The following KCNH5 variants were observed in gnomAD, a reference collection of about 807,000 sequenced individuals.
The protein encoded by KCNH5 is potassium voltage-gated channel subfamily H member 5.
In KCNH5, 46 loss-of-function variants were observed where a neutral mutation model predicts 96.1. The observed-to-expected ratio is 0.48, with a 90% CI of 0.38 to 0.61. The LOEUF (loss-of-function observed/expected upper bound fraction) is 0.61. Among genes scored for constraint, KCNH5 ranks in the 20% least tolerant of loss-of-function variants. KCNH5 has a pLI of 0.00. For synonymous variants in KCNH5, 439 were observed against 449.8 expected, an observed-to-expected ratio of 0.98 and a Z score of 0.30; for missense variants, 907 against 1,225.8, an observed-to-expected ratio of 0.74 and a Z score of 3.88.
intron 7 of KCNH5, among the ~76,000 whole-genome samples, chr14:62,919,495 A>G (rs1369571497): frequency 6.6e-6 from 1 of 152,146 alleles, no homozygotes; most frequent in Admixed American, 6.6e-5. Context: ...CCAAACTTGA[A>G]AAAGGCTGCC....
intron 7 of KCNH5, among the ~76,000 whole-genome samples, chr14:62,906,420 CAT>C (rs1048708518): frequency 6.6e-6 from 1 of 152,096 alleles, no homozygotes; most frequent in Non-Finnish European, 1.5e-5. Flanking sequence ...GTAAAGGAAA[CAT>C]AGAAGCTCAT....
intron 7 of KCNH5, among the ~76,000 whole-genome samples, chr14:62,941,772 C>T (rs944662044): frequency 2.0e-5 from 3 of 152,054 alleles, no homozygotes; most frequent in Non-Finnish European, 2.9e-5. Flanking sequence ...TACCTGAAGT[C>T]GCATATTAAG....
intron 7 of KCNH5, among the ~76,000 whole-genome samples, chr14:62,864,752 T>C (rs530160979): frequency 1.3e-5 from 2 of 152,358 alleles, no homozygotes; most frequent in East Asian, 1.9e-4. Context: ...CATATTAGCA[T>C]ATCAAAAGCT....
intron 7 of KCNH5, among the ~76,000 whole-genome samples, chr14:62,896,673 C>T (rs1888819973): frequency 6.6e-6 from 1 of 151,826 alleles, no homozygotes; most frequent in Admixed American, 6.6e-5. Flanking sequence ...GCTTTTTTTT[C>T]TTTATAGGTA....
At chr14:62,960,896 T>C (rs1049673540) in intron 6 of KCNH5, among the ~76,000 whole-genome samples, 9 of 152,160 alleles carry the variant, frequency 5.9e-5, no homozygotes, top group African/African-American at 1.4e-4. Flanking sequence ...CATATTCTAA[T>C]TGAAACACAG....
chr14:62,825,042 A>G (rs1887193975), intron 8 of KCNH5, among the ~76,000 whole-genome samples: 1 of 152,018 alleles, frequency 6.6e-6, no homozygotes, highest in Non-Finnish European at 1.5e-5. Context: ...TGTCTTTGCT[A>G]TTGTGAACAG....
intron 10 of KCNH5, among the ~76,000 whole-genome samples, chr14:62,732,338 C>A (rs1446287475): frequency 6.6e-6 from 1 of 152,170 alleles, no homozygotes; most frequent in Non-Finnish European, 1.5e-5. Context: ...TAAAGCCAAT[C>A]ATTTTACTGT....
chr14:62,835,425 T>A (rs1887445061), intron 8 of KCNH5, among the ~76,000 whole-genome samples: 2 of 152,012 alleles, frequency 1.3e-5, no homozygotes, highest in African/African-American at 2.4e-5. Flanking sequence ...GGATAAAAAA[T>A]TATGAGATTA....
intron 1 of KCNH5, among the ~76,000 whole-genome samples, chr14:63,030,027 G>C (rs1891597237): frequency 6.6e-6 from 1 of 152,170 alleles, no homozygotes; most frequent in Admixed American, 6.5e-5. Context: ...GGGTTTAGAA[G>C]TTTTGGAAAA....
intron 10 of KCNH5, among the ~76,000 whole-genome samples, chr14:62,772,479 A>C (rs1886008795): frequency 6.6e-6 from 1 of 152,030 alleles, no homozygotes; most frequent in Non-Finnish European, 1.5e-5. Flanking sequence ...TCTACTAAAA[A>C]TACAAAAATT....
chr14:62,963,432 T>C (rs1270030), intron 6 of KCNH5, among the ~76,000 whole-genome samples: 38,630 of 151,858 alleles, frequency 0.25, 5,115 homozygotes, highest in Non-Finnish European at 0.29. Context: ...CAAATGATTA[T>C]GGAGGCAGAG....
intron 10 of KCNH5, among the ~76,000 whole-genome samples, chr14:62,720,411 C>G (rs548593052): frequency 0.018 from 257 of 14,382 alleles, 2 homozygotes; most frequent in African/African-American, 0.02. Context: ...GACCCCGTCT[C>G]TACTAAACAA....
chr14:62,784,574 A>G (rs1479463561), intron 9 of KCNH5, among the ~76,000 whole-genome samples: 1 of 152,186 alleles, frequency 6.6e-6, no homozygotes, highest in Non-Finnish European at 1.5e-5. Context: ...GATGTCTTTC[A>G]TTATACTTCT....
intron 7 of KCNH5, among the ~76,000 whole-genome samples, chr14:62,889,605 C>T (rs867306358): frequency 6.6e-6 from 1 of 152,140 alleles, no homozygotes; most frequent in Non-Finnish European, 1.5e-5. Context: ...TCTGCCTCTC[C>T]GATTCCTAAG....
chr14:62,789,424 C>T (rs946248849), intron 9 of KCNH5, among the ~76,000 whole-genome samples: 1 of 151,984 alleles, frequency 6.6e-6, no homozygotes, highest in African/African-American at 2.4e-5. Flanking sequence ...GTGATAAATT[C>T]ATCACCTTTG....
chr14:62,961,853 G>GAGATGC (rs1175684781), intron 6 of KCNH5, among the ~76,000 whole-genome samples: 1 of 150,178 alleles, frequency 6.7e-6, no homozygotes, highest in Non-Finnish European at 1.5e-5. Context: ...GATGCAGATG[G>GAGATGC]AGATGCAGAT....
At chr14:62,720,111 T>G (rs939746098) in intron 10 of KCNH5, among the ~76,000 whole-genome samples, 3 of 152,144 alleles carry the variant, frequency 2.0e-5, no homozygotes, top group Non-Finnish European at 2.9e-5. Context: ...GAGATATTCA[T>G]GAATGAAGAA....
chr14:62,712,100 G>C (rs904917836), intron 10 of KCNH5: 2 of 152,740 alleles, frequency 1.3e-5, no homozygotes, highest in Non-Finnish European at 2.9e-5. Flanking sequence ...GTCATGAGGC[G>C]ATTTATCACC....
chr14:62,882,924 T>G (rs1888522705), intron 7 of KCNH5, among the ~76,000 whole-genome samples: 1 of 152,220 alleles, frequency 6.6e-6, no homozygotes. Context: ...AGCTTTATAT[T>G]ACTTCCTTTC....
Sources: gnomAD v4.1 joint callset for allele counts (sites outside exome capture counted in the v4.1 genomes callset) on GRCh38, gnomAD v4.1.1 for gene constraint, MANE v1.5 for transcripts, NCBI Gene and HGNC (gene_info 2026-07-23, HGNC 2026-07-21) for gene names.